FHIT: variants seen among roughly 807,000 people sequenced by gnomAD.
FHIT encodes bis(5'-adenosyl)-triphosphatase.
FHIT carries 19 observed loss-of-function variants against 17.9 expected under a neutral mutation model. The observed-to-expected ratio is 1.06, with a 90% CI of 0.74 to 1.56. The LOEUF (loss-of-function observed/expected upper bound fraction) is 1.56. Among genes scored for constraint, FHIT ranks in the 40% most tolerant of loss-of-function variants. FHIT has a pLI of 0.00. For synonymous variants in FHIT, 81 were observed against 69.7 expected, an observed-to-expected ratio of 1.16 and a Z score of -0.81; for missense variants, 248 against 189.2, an observed-to-expected ratio of 1.31 and a Z score of -1.82.
At chr3:60,362,250 A>G (rs923417838) in intron 5 of FHIT, among the ~76,000 whole-genome samples, 1 of 152,140 alleles carries the variant, frequency 6.6e-6, no homozygotes, top group African/African-American at 2.4e-5. Flanking sequence ...CCCTAATACA[A>G]TACAATTTTA....
At chr3:61,211,334 G>A (rs981923401) in intron 1 of FHIT, among the ~76,000 whole-genome samples, 9 of 152,132 alleles carry the variant, frequency 5.9e-5, no homozygotes, top group South Asian at 2.1e-4. Context: ...CTTAAGAAAC[G>A]GCGCACCAGA....
intron 4 of FHIT, among the ~76,000 whole-genome samples, chr3:60,563,417 G>T (rs77376575): frequency 5.7e-4 from 87 of 152,234 alleles, no homozygotes; most frequent in African/African-American, 2.1e-3. Context: ...CCTTTTAAGT[G>T]TTCAAGTGAA....
intron 1 of FHIT, among the ~76,000 whole-genome samples, chr3:61,204,350 T>A (rs1242479404): frequency 6.6e-6 from 1 of 152,178 alleles, no homozygotes. Flanking sequence ...AGTTTATTAT[T>A]TTCTTTAAAC....
At chr3:59,886,775 AC>A (rs1247591890) in intron 8 of FHIT, among the ~76,000 whole-genome samples, 4 of 152,236 alleles carry the variant, frequency 2.6e-5, no homozygotes, top group African/African-American at 9.6e-5. Flanking sequence ...TTAGGAGGGC[AC>A]AAACATCCAA....
At chr3:60,058,853 A>C (rs1036524409) in intron 5 of FHIT, among the ~76,000 whole-genome samples, 5 of 152,236 alleles carry the variant, frequency 3.3e-5, no homozygotes, top group Non-Finnish European at 7.3e-5. Context: ...AAATACAACA[A>C]AATATTAATT....
intron 8 of FHIT, among the ~76,000 whole-genome samples, chr3:59,892,956 T>C (rs1182802444): frequency 3.9e-5 from 6 of 152,246 alleles, no homozygotes; most frequent in African/African-American, 1.2e-4. Flanking sequence ...TTACTTTAAA[T>C]TAGAATTTTA....
chr3:60,919,831 C>T (rs145960608), intron 3 of FHIT, among the ~76,000 whole-genome samples: 6,885 of 152,088 alleles, frequency 0.045, 204 homozygotes, highest in South Asian at 0.087. Context: ...GTCAGGAGAT[C>T]GAGACCATCC....
At position 60,860,484 on chromosome 3, in the gene FHIT, T is replaced by A. The variant is rs541602829; in HGVS notation, c.-110-38473A>T. On this transcript the variant is annotated intron_variant, in intron 3 of 9. Coordinates refer to ENST00000492590, the MANE Select transcript of FHIT (RefSeq NM_002012.4). ...TACATATATATGTATATATGATACA[T>A]ATGTATCATATATATCAGGTATATA... is the stretch of plus-strand genomic sequence containing the variant. Among the ~76,000 whole-genome samples the A allele has an allele frequency of 7.8e-4, 102 of 130,506 alleles. 1 individual carries two copies. The highest frequency in any genetic ancestry group is 2.9e-3 in the African/African-American group (98 of 34,380). 85.6% of individuals were successfully genotyped at this position (130,506 alleles called of 152,430 possible).
At chr3:60,502,082 C>G (rs1433581493) in intron 5 of FHIT, among the ~76,000 whole-genome samples, 1 of 152,136 alleles carries the variant, frequency 6.6e-6, no homozygotes, top group African/African-American at 2.4e-5. Context: ...GAAAAATTGC[C>G]TTCTTTGGAT....
chr3:60,483,171 A>G (rs753865167), intron 5 of FHIT, among the ~76,000 whole-genome samples: 1 of 152,228 alleles, frequency 6.6e-6, no homozygotes, highest in Non-Finnish European at 1.5e-5. Flanking sequence ...AAGTTCTGAA[A>G]TTGAGGCAGT....
chr3:60,934,286 GA>G (rs1375748876), intron 3 of FHIT, among the ~76,000 whole-genome samples: 1 of 151,244 alleles, frequency 6.6e-6, no homozygotes, highest in African/African-American at 2.4e-5. Context: ...TCAAAAAAAA[GA>G]AAAAAAGAAA....
In FHIT at chr3:60,824,204, T is replaced by C. The variant is rs574660951; in HGVS notation, c.-110-2193A>G. On this transcript the variant is annotated intron_variant, in intron 3 of 9. Coordinates refer to ENST00000492590, the MANE Select transcript of FHIT (RefSeq NM_002012.4). Reference sequence around the variant, plus strand: ...GCCACTTAGGAGGCTCCTGCAGTTATCCTGGTGAATAAAGGTGCTAGCCAG... The same window carrying C: ...GCCACTTAGGAGGCTCCTGCAGTTACCCTGGTGAATAAAGGTGCTAGCCAG... Among the ~76,000 whole-genome samples, 4 of 152,336 alleles carry C rather than the reference T, an allele frequency of 2.6e-5. No homozygotes were observed. In the East Asian group the frequency reaches 7.7e-4, roughly 29 times the overall value.
chr3:59,963,812 G>C (rs1169173920), intron 7 of FHIT, among the ~76,000 whole-genome samples: 1 of 152,190 alleles, frequency 6.6e-6, no homozygotes, highest in South Asian at 2.1e-4. Flanking sequence ...AAAATAGCGT[G>C]TGAATAAATA....
intron 2 of FHIT, among the ~76,000 whole-genome samples, chr3:61,144,381 C>T (rs1330314607): frequency 6.6e-6 from 1 of 152,184 alleles, no homozygotes; most frequent in East Asian, 1.9e-4. Context: ...CACTTCATTA[C>T]TAATTATGGC....
At chr3:59,990,274 T>C (rs1401079302) in intron 7 of FHIT, among the ~76,000 whole-genome samples, 1 of 152,058 alleles carries the variant, frequency 6.6e-6, no homozygotes, top group Non-Finnish European at 1.5e-5. Context: ...TTTGGCATGA[T>C]GAGAGTGAGG....
chr3:60,634,523 T>G (rs1431405553), intron 4 of FHIT, among the ~76,000 whole-genome samples: 1 of 152,200 alleles, frequency 6.6e-6, no homozygotes, highest in Non-Finnish European at 1.5e-5. Context: ...TTACAGAGTG[T>G]TAAAGGCATC....
At chr3:60,573,168 A>G (rs1553656327) in intron 4 of FHIT, among the ~76,000 whole-genome samples, 1 of 152,120 alleles carries the variant, frequency 6.6e-6, no homozygotes, top group Non-Finnish European at 1.5e-5. Flanking sequence ...CAAAGAGCTC[A>G]GAAGTGGCAA....
intron 2 of FHIT, among the ~76,000 whole-genome samples, chr3:61,179,930 G>C (rs143470551): frequency 6.6e-6 from 1 of 152,062 alleles, no homozygotes; most frequent in African/African-American, 2.4e-5. Context: ...GTACAACTTG[G>C]ATTTACAAGT....
At chr3:60,052,303 C>T (rs768871870) in intron 5 of FHIT, among the ~76,000 whole-genome samples, 3 of 152,060 alleles carry the variant, frequency 2.0e-5, no homozygotes, top group Non-Finnish European at 2.9e-5. Flanking sequence ...TTGCCTATCA[C>T]GAGTACACCC....
Sources: allele counts gnomAD v4.1 joint callset (sites outside exome capture counted in the v4.1 genomes callset), GRCh38; gene constraint gnomAD v4.1.1; transcripts MANE v1.5; gene names NCBI Gene and HGNC (gene_info 2026-07-23, HGNC 2026-07-21).